Variants in CCZ1B observed in about 807,000 individuals in gnomAD.
CCZ1B encodes the protein vacuolar fusion protein CCZ1 homolog B.
Under a neutral mutation model 58.8 loss-of-function variants are expected in CCZ1B, and 25 were observed. The observed-to-expected ratio is 0.43, with a 90% CI of 0.31 to 0.59. CCZ1B has a LOEUF of 0.59. CCZ1B is among the 20% of genes least tolerant of loss of function. The pLI is 0.12. For missense variants in CCZ1B, 180 were observed against 501.5 expected, an observed-to-expected ratio of 0.36 and a Z score of 6.12; for synonymous variants, 66 against 173.2, an observed-to-expected ratio of 0.38 and a Z score of 4.86.
Position 6,818,670 on chromosome 7 carries a change from A to AC in CCZ1B, c.698+1095_698+1096insG, listed in dbSNP as rs751417496. ...GAAAGACAGAAAGAAAGACAGACAG[A>AC]AAGAAAGAAAGAAAGAAAGAAAGAC... is the stretch of plus-strand genomic sequence containing the variant. On this transcript the variant is annotated intron_variant, in intron 7 of 14. Transcript: ENST00000316731. 1.6e-4 allele frequency among the ~76,000 whole-genome samples: 17 copies of AC among 103,228 alleles called. 1 individual carries two copies. Among genetic ancestry groups the AC allele is most frequent in the South Asian group, 8.0e-4 (2 of 2,514 alleles). 67.7% of individuals were successfully genotyped at this position (103,228 alleles called of 152,430 possible).
chr7:6,810,136 G>A (rs1020602839), intron 10 of CCZ1B, among the ~76,000 whole-genome samples: 4 of 148,768 alleles, frequency 2.7e-5, no homozygotes, highest in Admixed American at 1.3e-4. Flanking sequence ...CTCAGCCTCC[G>A]GAGTAGCTGG....
chr7:6,804,109 T>C (rs555808476), intron 12 of CCZ1B, among the ~76,000 whole-genome samples: 33 of 151,212 alleles, frequency 2.2e-4, no homozygotes, highest in African/African-American at 8.0e-4. Context: ...TTTCACTTTA[T>C]AATAACTATT....
chr7:6,822,243 T>C, intron 6 of CCZ1B, 38 bp downstream of exon 6: 1 of 1,561,440 alleles, frequency 6.4e-7, no homozygotes, highest in Non-Finnish European at 8.6e-7. Context: ...ACCTGATGAA[T>C]GCTTAGTAAA....
At chr7:6,814,148 A>G (rs1014709962) in intron 8 of CCZ1B, among the ~76,000 whole-genome samples, 1 of 148,548 alleles carries the variant, frequency 6.7e-6, no homozygotes, top group African/African-American at 2.6e-5. Flanking sequence ...CTCTGTCCCA[A>G]TAAATAAATA....
rs1335503243 is a variant in CCZ1B, at chr7:6,814,007, A to T, written c.780+757T>A. Among the ~76,000 whole-genome samples the T allele has an allele frequency of 4.1e-5, 6 of 147,550 alleles. 1 individual carries two copies. The highest frequency in any genetic ancestry group is 3.9e-4 in the East Asian group (2 of 5,096). On this transcript the variant is annotated intron_variant, in intron 8 of 14. Coordinates refer to ENST00000316731, the MANE Select transcript of CCZ1B (RefSeq NM_198097.5). Reference sequence around the variant, plus strand: ...CTAAAAATATAAAAATTAGCCAGGCATGGTGGCAGGTGCCTATAATCTCAG... The same window carrying T: ...CTAAAAATATAAAAATTAGCCAGGCTTGGTGGCAGGTGCCTATAATCTCAG...
chr7:6,804,047 G>A (rs1460535116), intron 12 of CCZ1B, among the ~76,000 whole-genome samples: 1 of 150,270 alleles, frequency 6.7e-6, no homozygotes, highest in Non-Finnish European at 1.5e-5. Context: ...TGTGTAGAGA[G>A]CCCATTTAAA....
intron 5 of CCZ1B, among the ~76,000 whole-genome samples, chr7:6,822,934 G>A (rs1238713220): frequency 2.8e-5 from 4 of 145,392 alleles, no homozygotes; most frequent in African/African-American, 1.1e-4. Flanking sequence ...CTGAATTCCT[G>A]GGCTCAAGCA....
rs1783053677 is a variant in CCZ1B, at chr7:6,818,655, AAGAAAGACAGAC to A, written c.698+1099_698+1110del. Reference sequence around the variant, plus strand: ...AAGACAAGAAAGAAAGAAAGACAGAAAGAAAGACAGACAGAAAGAAAGAAAGAAAGAAAGAAA... The same window carrying A: ...AAGACAAGAAAGAAAGAAAGACAGAAAGAAAGAAAGAAAGAAAGAAAGAAA... On this transcript the variant is annotated intron_variant, in intron 7 of 14. Coordinates refer to ENST00000316731, the MANE Select transcript of CCZ1B (RefSeq NM_198097.5). Among the ~76,000 whole-genome samples, 3 of 115,002 alleles carry A rather than the reference AAGAAAGACAGAC, an allele frequency of 2.6e-5. 1 individual carries two copies. The highest frequency in any genetic ancestry group is 4.1e-4 in the East Asian group (1 of 2,428). 75.4% of individuals were successfully genotyped at this position (115,002 alleles called of 152,430 possible).
chr7:6,810,926 G>A (rs1184957014), intron 10 of CCZ1B, among the ~76,000 whole-genome samples: 1 of 150,154 alleles, frequency 6.7e-6, no homozygotes. Context: ...GTAGGATGAA[G>A]GTCTCAGTTC....
At chr7:6,816,283 C>T (rs1410121366) in intron 7 of CCZ1B, among the ~76,000 whole-genome samples, 3 of 149,294 alleles carry the variant, frequency 2.0e-5, no homozygotes, top group Non-Finnish European at 4.4e-5. Context: ...GATTCAACAC[C>T]AGCCTGGCCA....
chr7:6,813,827 A>G (rs1782955471), intron 8 of CCZ1B, among the ~76,000 whole-genome samples: 2 of 137,104 alleles, frequency 1.5e-5, no homozygotes, highest in Non-Finnish European at 3.1e-5. Flanking sequence ...TGGCATTTTA[A>G]AGGTTTCTAG....
chr7:6,811,054 T>TCA, intron 10 of CCZ1B, among the ~76,000 whole-genome samples: 1 of 151,728 alleles, frequency 6.6e-6, no homozygotes, highest in South Asian at 2.1e-4. Context: ...CCCTCGATTG[T>TCA]CACCCAGGGA....
At chr7:6,819,703 A>T in intron 7 of CCZ1B, 63 bp downstream of exon 7, 1 of 943,602 alleles carries the variant, frequency 1.1e-6, no homozygotes, top group Non-Finnish European at 1.6e-6. Flanking sequence ...TCATCAATCC[A>T]GTCACTGCTG....
In CCZ1B at chr7:6,821,431, C is replaced by T. The variant is rs573795207; in HGVS notation, c.522+850G>A. 6.1e-4 allele frequency among the ~76,000 whole-genome samples: 93 copies of T among 152,376 alleles called. No individual in the cohort carries two copies. The East Asian group carries it at 9.2e-3, about 15-fold the overall frequency. ...AGAACAGAAACCAGGAGATAATATG[C>T]GAGTGGATAATTGTGGTCATTAAAA... On this transcript the variant is annotated intron_variant, in intron 6 of 14. Transcript: ENST00000316731.
intron 1 of CCZ1B, among the ~76,000 whole-genome samples, chr7:6,825,664 C>CACACACACACA: frequency 8.0e-6 from 1 of 125,702 alleles, no homozygotes; most frequent in South Asian, 3.5e-4. Flanking sequence ...CACACACACA[C>CACACACACACA]CCCTCCCGAA....
At chr7:6,823,263 G>T in intron 5 of CCZ1B, 50 bp downstream of exon 5, 1 of 1,600,712 alleles carries the variant, frequency 6.2e-7, no homozygotes, top group Non-Finnish European at 8.5e-7. Flanking sequence ...GGAGCCTAGA[G>T]ATAGGGGTAA....
rs1324602825 is a variant in CCZ1B, at chr7:6,812,145, C to A, written c.843-82G>T. On this transcript the variant is annotated intron_variant, in intron 9 of 14. Transcript: ENST00000316731. Reference sequence around the variant, plus strand: ...CTAGAAACAGAACACACTCCCACTTCATACACACCAGTTGCTTTTGATGCC... The same window carrying A: ...CTAGAAACAGAACACACTCCCACTTAATACACACCAGTTGCTTTTGATGCC... 1.2e-5 allele frequency: 13 copies of A among 1,093,242 alleles called. 1 individual carries two copies. Among genetic ancestry groups the A allele is most frequent in the Non-Finnish European group, 1.8e-5 (13 of 720,372 alleles). 67.7% of individuals were successfully genotyped at this position (1,093,242 alleles called of 1,614,324 possible). A position where few individuals can be genotyped will look rare whatever the true frequency, so the allele number is the denominator to read the frequency against.
chr7:6,817,208 A>T (rs1227804602), intron 7 of CCZ1B, among the ~76,000 whole-genome samples: 1 of 151,486 alleles, frequency 6.6e-6, no homozygotes, highest in African/African-American at 2.4e-5. Context: ...TGCTATTCCA[A>T]GATGACGATG....
rs750664011 is a variant in CCZ1B at position 6,812,950 on chromosome 7, CAT to C, written c.842+24_842+25del. The C allele has an allele frequency of 5.8e-6, 9 of 1,542,352 alleles. No homozygotes were observed. In the Admixed American group the frequency reaches 1.9e-4, roughly 32 times the overall value. On this transcript the variant is annotated intron_variant, in intron 9 of 14. Coordinates refer to ENST00000316731, the MANE Select transcript of CCZ1B (RefSeq NM_198097.5). Reference sequence around the variant, plus strand: ...TCAAAAAAGAAAGAAAACCCAGTATCATAAATCAAAGAACAGAAGTCCTACCT... The same window carrying C: ...TCAAAAAAGAAAGAAAACCCAGTATCAAATCAAAGAACAGAAGTCCTACCT...
Sources: allele counts gnomAD v4.1 joint callset (sites outside exome capture counted in the v4.1 genomes callset), GRCh38; gene constraint gnomAD v4.1.1; transcripts MANE v1.5; gene names NCBI Gene and HGNC (gene_info 2026-07-23, HGNC 2026-07-21).